CYP20A1: variants seen among roughly 807,000 people sequenced by gnomAD.
CYP20A1 encodes the protein cytochrome P450 family 20 subfamily A member 1.
Under a neutral mutation model 61.4 loss-of-function variants are expected in CYP20A1, and 61 were observed. The ratio of observed to expected loss-of-function variants is 0.99; its 90% CI spans 0.81 to 1.23. The LOEUF (loss-of-function observed/expected upper bound fraction) is 1.23. Among genes scored for constraint, CYP20A1 ranks in the 50% most tolerant of loss-of-function variants. CYP20A1 has a pLI of 0.00. For synonymous variants in CYP20A1, 193 were observed against 188.2 expected (o/e 1.03, Z -0.21); for missense variants, 530 against 542.4 (o/e 0.98, Z 0.23).
chr2:203,244,371 T>C (rs563830890), intron 1 of CYP20A1, among the ~76,000 whole-genome samples: 11 of 152,022 alleles, frequency 7.2e-5, no homozygotes, highest in Admixed American at 5.2e-4. Context: ...CCAGCTAATT[T>C]TTGTATTTTT....
At chr2:203,239,711 G>C (rs1175878360) in intron 1 of CYP20A1, among the ~76,000 whole-genome samples, 2 of 152,206 alleles carry the variant, frequency 1.3e-5, no homozygotes, top group African/African-American at 4.8e-5. Context: ...TGCGGGTTCG[G>C]GTGCGAGGTT....
intron 4 of CYP20A1, among the ~76,000 whole-genome samples, chr2:203,264,604 A>G (rs1341433690): frequency 6.6e-6 from 1 of 152,092 alleles, no homozygotes; most frequent in Non-Finnish European, 1.5e-5. Flanking sequence ...TAATTGAAAT[A>G]TTCTGTTCAT....
chr2:203,254,508 C>T (rs1575183345), intron 4 of CYP20A1, among the ~76,000 whole-genome samples: 1 of 149,464 alleles, frequency 6.7e-6, no homozygotes, highest in East Asian at 2.0e-4. Context: ...TCATGCCACT[C>T]ACTGCACTCC....
intron 10 of CYP20A1, among the ~76,000 whole-genome samples, chr2:203,291,537 T>C (rs905817981): frequency 6.6e-6 from 1 of 152,216 alleles, no homozygotes; most frequent in African/African-American, 2.4e-5. Context: ...GTTTTTCTTT[T>C]GTTAATTCTG....
At chr2:203,242,777 T>G (rs991397094) in intron 1 of CYP20A1, among the ~76,000 whole-genome samples, 1 of 150,894 alleles carries the variant, frequency 6.6e-6, no homozygotes, top group African/African-American at 2.4e-5. Context: ...GGTGACAGAG[T>G]GAGACCATGT....
At chr2:203,264,462 C>G (rs2067251340) in intron 4 of CYP20A1, among the ~76,000 whole-genome samples, 1 of 152,068 alleles carries the variant, frequency 6.6e-6, no homozygotes. Context: ...CACTAGCTTT[C>G]TTTCAGTTAG....
rs975923015 is a variant in CYP20A1 at position 203,266,569 on chromosome 2, C to T, written c.488C>T (p.Pro163Leu). The stretch of plus-strand genomic sequence containing the variant: ...TCCTACCCAGAGACCCAGCACGTGC[C>T]CCTCAGCCAGCATATGCTTGGTTTT... ...WLSYPETQHV[P>L]LSQHMLGFAM... Residue 163 changes from proline (P) to leucine (L), a missense_variant, in exon 5 of 13, where the codon CCC becomes CTC. By Grantham distance (98) the Pro-to-Leu change is moderately conservative (BLOSUM62 -3). Transcript: ENST00000356079. 1.5e-5 allele frequency: 24 copies of T among 1,613,752 alleles called. No homozygotes were observed. The highest frequency in any genetic ancestry group is 1.9e-5 in the Non-Finnish European group (23 of 1,179,896).
At chr2:203,278,999 T>G (rs969221476) in intron 7 of CYP20A1, among the ~76,000 whole-genome samples, 1 of 152,172 alleles carries the variant, frequency 6.6e-6, no homozygotes, top group African/African-American at 2.4e-5. Context: ...GGAGTCTCGC[T>G]ATGTCGCCCG....
At chr2:203,255,210 T>C (rs576179702) in intron 4 of CYP20A1, among the ~76,000 whole-genome samples, 10 of 152,320 alleles carry the variant, frequency 6.6e-5, no homozygotes, top group Admixed American at 6.5e-5. Flanking sequence ...CAGATACCTC[T>C]TGGCAGTCTG....
intron 9 of CYP20A1, 104 bp downstream of exon 9, chr2:203,285,836 G>A: frequency 9.7e-7 from 1 of 1,034,040 alleles, no homozygotes; most frequent in South Asian, 2.7e-5. Context: ...TATTTTTATA[G>A]GACTTAAAGT....
chr2:203,276,017 T>TAA (rs1436552180), intron 6 of CYP20A1, among the ~76,000 whole-genome samples: 1 of 152,110 alleles, frequency 6.6e-6, no homozygotes, highest in Non-Finnish European at 1.5e-5. Context: ...TAAGTAATTA[T>TAA]TAGGAAAGGC....
rs376248335 is a variant in CYP20A1, at chr2:203,291,725, C to T, written c.1084-537C>T. Among the ~76,000 whole-genome samples the T allele has an allele frequency of 1.5e-3, 227 of 151,444 alleles. 11 individuals carry two copies. In the South Asian group the frequency reaches 0.043, roughly 28 times the overall value. On this transcript the variant is annotated intron_variant, in intron 10 of 12. Coordinates refer to ENST00000356079, the MANE Select transcript of CYP20A1 (RefSeq NM_177538.3). The stretch of plus-strand genomic sequence containing the variant: ...TAAGTTTTAGGGTACATGTGTACAA[C>T]GTGCAGGTTTGTTACATATGTATAC...
Position 203,298,912 on chromosome 2 carries a change from G to A in CYP20A1, c.*2004G>A, listed in dbSNP as rs993965305. Among the ~76,000 whole-genome samples, 1 of 151,854 alleles carries A rather than the reference G, an allele frequency of 6.6e-6. No homozygotes were observed. Among genetic ancestry groups the A allele is most frequent in the Non-Finnish European group, 1.5e-5 (1 of 67,982 alleles). On this transcript the variant is annotated 3_prime_UTR_variant, in exon 13 of 13. Transcript: ENST00000356079. ...TATCTGGACATGCTGGCGTGCGCCT[G>A]TAGTCTCAGCTACTTGGGAGGCTGA...
chr2:203,243,199 A>C (rs2066316795), intron 1 of CYP20A1, among the ~76,000 whole-genome samples: 1 of 151,880 alleles, frequency 6.6e-6, no homozygotes, highest in African/African-American at 2.4e-5. Flanking sequence ...GCTGGAGTGC[A>C]ATGGTGTGGT....
At position 203,292,304 on chromosome 2, in the gene CYP20A1, A is replaced by C. The variant is rs777661173; in HGVS notation, c.1126A>C (p.Asn376His). ...YALGVVLQDPNTWPSPHKFDP... is the reference protein window; with the variant it reads ...YALGVVLQDPHTWPSPHKFDP... ...CCTTGGTGTGGTACTTCAGGATCCT[A>C]ATACTTGGCCATCTCCACACAAGTA... The change falls in exon 11 of 13, where the codon AAT (asparagine) becomes CAT (histidine). Residue 376 changes from asparagine to histidine, a missense_variant. Coordinates refer to ENST00000356079, the MANE Select transcript of CYP20A1 (RefSeq NM_177538.3). 1 of 1,612,956 alleles carries C rather than the reference A, an allele frequency of 6.2e-7. No homozygotes were observed. The highest frequency in any genetic ancestry group is 8.5e-7 in the Non-Finnish European group (1 of 1,179,282).
At chr2:203,245,695 A>G in intron 1 of CYP20A1, 151 bp from the exon 2 acceptor site, 1 of 505,806 alleles carries the variant, frequency 2.0e-6, no homozygotes, top group Admixed American at 3.9e-5. Context: ...CATGCAAAGA[A>G]CCCCTTTTTT....
intron 7 of CYP20A1, 140 bp from the exon 8 acceptor site, chr2:203,279,919 G>T: frequency 1.9e-6 from 1 of 536,276 alleles, no homozygotes; most frequent in Non-Finnish European, 3.1e-6. Flanking sequence ...TTGGTTTTTT[G>T]TTTTAGTGAA....
intron 3 of CYP20A1, among the ~76,000 whole-genome samples, chr2:203,251,304 C>T (rs2066661787): frequency 6.6e-6 from 1 of 151,324 alleles, no homozygotes; most frequent in Non-Finnish European, 1.5e-5. Context: ...AAATCACAAA[C>T]TTATCCATTT....
intron 5 of CYP20A1, among the ~76,000 whole-genome samples, chr2:203,271,982 A>G (rs929929369): frequency 6.6e-6 from 1 of 151,928 alleles, no homozygotes; most frequent in Admixed American, 6.6e-5. Context: ...AGCCGAGATC[A>G]CACCACTGCA....
Sources: allele counts gnomAD v4.1 joint callset (sites outside exome capture counted in the v4.1 genomes callset), GRCh38; gene constraint gnomAD v4.1.1; transcripts MANE v1.5; gene names NCBI Gene and HGNC (gene_info 2026-07-23, HGNC 2026-07-21).